IL17RD: variants seen among roughly 807,000 people sequenced by gnomAD.
IL17RD encodes the protein interleukin-17 receptor D.
A neutral mutation model predicts 80.5 loss-of-function variants in IL17RD; 52 were observed. The ratio of observed to expected loss-of-function variants is 0.65; its 90% CI spans 0.52 to 0.81. The LOEUF (loss-of-function observed/expected upper bound fraction) is 0.81. Among genes scored for constraint, IL17RD ranks in the 40% least tolerant of loss-of-function variants. IL17RD has a pLI of 0.00. For synonymous variants in IL17RD, 416 were observed against 391.8 expected, an observed-to-expected ratio of 1.06 and a Z score of -0.73; for missense variants, 1,024 against 955.1, an observed-to-expected ratio of 1.07 and a Z score of -0.95.
At chr3:57,157,081 G>A (rs1174734235) in intron 1 of IL17RD, among the ~76,000 whole-genome samples, 3 of 152,304 alleles carry the variant, frequency 2.0e-5, no homozygotes, top group South Asian at 2.1e-4. Context: ...GTGGTATGGA[G>A]AAGCCTCACA....
intron 1 of IL17RD, among the ~76,000 whole-genome samples, chr3:57,154,066 T>C (rs538360206): frequency 6.6e-6 from 1 of 151,238 alleles, no homozygotes; most frequent in East Asian, 1.9e-4. Context: ...AGTAACACAG[T>C]GAAACTCTGT....
At position 57,120,711 on chromosome 3, in the gene IL17RD, C is replaced by T. The variant is rs560726349; in HGVS notation, c.127-398G>A. Among the ~76,000 whole-genome samples the T allele has an allele frequency of 7.9e-5, 12 of 152,264 alleles. No individual in the cohort carries two copies. The South Asian group carries it at 1.5e-3, about 18-fold the overall frequency. On this transcript the variant is annotated intron_variant, in intron 1 of 12. Coordinates refer to ENST00000296318, the MANE Select transcript of IL17RD (RefSeq NM_017563.5). Reference sequence around the variant, plus strand: ...TTCATCTACTCCAGACGCCCTCATCCGCAAGCTCTATTAAGCCACGACAGA... The same window carrying T: ...TTCATCTACTCCAGACGCCCTCATCTGCAAGCTCTATTAAGCCACGACAGA...
chr3:57,126,011 GAA>G (rs1310087486), intron 1 of IL17RD, among the ~76,000 whole-genome samples: 1 of 152,202 alleles, frequency 6.6e-6, no homozygotes. Flanking sequence ...CACACTAAGA[GAA>G]AACAGATAAG....
chr3:57,127,285 AATATATAT>A (rs1204555740), intron 1 of IL17RD, among the ~76,000 whole-genome samples: 5 of 88,002 alleles, frequency 5.7e-5, no homozygotes, highest in Admixed American at 4.8e-4. Context: ...AATATATATA[AATATATAT>A]AAATATATAT....
intron 1 of IL17RD, 38 bp from the exon 2 acceptor site, chr3:57,120,351 C>T: frequency 6.6e-7 from 1 of 1,522,876 alleles, no homozygotes; most frequent in East Asian, 2.3e-5. Context: ...AGAGTGAAGC[C>T]AATTTGCTCT....
intron 9 of IL17RD, 45 bp downstream of exon 9, chr3:57,103,046 G>C (rs1227733363): frequency 7.2e-7 from 1 of 1,382,076 alleles, no homozygotes; most frequent in African/African-American, 1.4e-5. Context: ...ACATACCTTG[G>C]TCTATAGTAG....
chr3:57,143,349 C>G (rs1472657066), intron 1 of IL17RD, among the ~76,000 whole-genome samples: 1 of 152,090 alleles, frequency 6.6e-6, no homozygotes, highest in Non-Finnish European at 1.5e-5. Flanking sequence ...CCTTGACAAT[C>G]TCAACAAAGG....
chr3:57,125,711 G>T (rs950629139), intron 1 of IL17RD, among the ~76,000 whole-genome samples: 2 of 152,202 alleles, frequency 1.3e-5, no homozygotes, highest in Non-Finnish European at 2.9e-5. Context: ...GTCAGGGCAA[G>T]GTATTGGTAG....
Position 57,103,132 on chromosome 3 carries a change from G to C in IL17RD, c.827C>G (p.Thr276Ser), listed in dbSNP as rs1706875096. Residue 276 changes from threonine to serine, a missense_variant, in exon 9 of 13, where the codon ACT becomes AGT. Transcript: ENST00000296318. ...ATGCATCACTTTTCTTGTTGTGTTA[G>C]TGTCATCCACCAGCTGCAAAACAGA... The part of the protein sequence containing the change: ...GDYIIELVDD[T>S]NTTRKVMHYA... The C allele has an allele frequency of 6.2e-7, 1 of 1,603,248 alleles. No individual in the cohort carries two copies. The highest frequency in any genetic ancestry group is 8.5e-7 in the Non-Finnish European group (1 of 1,174,374).
At chr3:57,097,372 A>G (rs974250069) in intron 12 of IL17RD, 67 of 575,338 alleles carry the variant, frequency 1.2e-4, no homozygotes, top group African/African-American at 9.7e-4. Context: ...CACCCCTTGC[A>G]GGGTCTGGGC....
At chr3:57,123,935 C>G (rs1444695705) in intron 1 of IL17RD, among the ~76,000 whole-genome samples, 2 of 152,126 alleles carry the variant, frequency 1.3e-5, no homozygotes, top group African/African-American at 4.8e-5. Flanking sequence ...ATCCCAGCTA[C>G]TTGGGAGGCT....
In IL17RD at chr3:57,098,195, T is replaced by C. The variant is rs149567988; in HGVS notation, c.1508A>G (p.Asn503Ser). Residue 503 changes from asparagine (N) to serine (S), a missense_variant, in exon 12 of 13, where the codon AAT (asparagine) becomes AGT (serine). Transcript: ENST00000296318. The part of the protein sequence containing the change: ...DLSTKYRLMD[N>S]LPQLCSHLHS... ...CAAGTGGGAACAGAGCTGAGGAAGA[T>C]TGTCCATGAGTCTGTACTTGGTACT... 235 of 1,613,778 alleles carry C rather than the reference T, an allele frequency of 1.5e-4. No homozygotes were observed. The highest frequency in any genetic ancestry group is 5.7e-4 in the Admixed American group (34 of 60,000).
At chr3:57,100,226 T>C (rs1309033113) in intron 11 of IL17RD, among the ~76,000 whole-genome samples, 1 of 152,238 alleles carries the variant, frequency 6.6e-6, no homozygotes, top group African/African-American at 2.4e-5. Flanking sequence ...CACGTGCTGA[T>C]CCACCAACCT....
chr3:57,148,516 A>G (rs1224592022), intron 1 of IL17RD, among the ~76,000 whole-genome samples: 1 of 152,190 alleles, frequency 6.6e-6, no homozygotes, highest in East Asian at 1.9e-4. Context: ...TATGTTTACA[A>G]ATTGGAACAT....
intron 1 of IL17RD, among the ~76,000 whole-genome samples, chr3:57,146,717 T>G (rs1454258667): frequency 7.8e-6 from 1 of 127,802 alleles, no homozygotes; most frequent in Non-Finnish European, 1.6e-5. Context: ...GCCACTGCAC[T>G]CCAGCCTGGG....
At chr3:57,160,383 G>A (rs1235799229) in intron 1 of IL17RD, among the ~76,000 whole-genome samples, 2 of 152,056 alleles carry the variant, frequency 1.3e-5, no homozygotes, top group African/African-American at 4.8e-5. Context: ...TCTTTCCTTT[G>A]TTGGGAAGTT....
At chr3:57,163,503 T>A (rs748171445) in intron 1 of IL17RD, among the ~76,000 whole-genome samples, 2 of 152,058 alleles carry the variant, frequency 1.3e-5, no homozygotes, top group Middle Eastern at 3.2e-3. Context: ...CCTTGGCAAC[T>A]GCAGCAAAAC....
In IL17RD at chr3:57,094,957, C is replaced by T. The variant is rs1470573838; in HGVS notation, c.*1436G>A. ...ATTTGCATCAGAAATATACACAAAC[C>T]TTTTCTTTCCAGCAGGGGTGCAAGC... is the stretch of plus-strand genomic sequence containing the variant. On this transcript the variant is annotated 3_prime_UTR_variant, in exon 13 of 13. Transcript: ENST00000296318. 6.6e-6 allele frequency: 1 copy of T among 152,640 alleles called. No homozygotes were observed. Among genetic ancestry groups the T allele is most frequent in the Non-Finnish European group, 1.5e-5 (1 of 68,054 alleles). The allele number at this position is 152,640 out of a possible 1,614,324, so 9.5% of individuals were successfully genotyped here.
intron 1 of IL17RD, among the ~76,000 whole-genome samples, chr3:57,126,408 A>G (rs767287980): frequency 1.3e-5 from 2 of 152,240 alleles, no homozygotes; most frequent in Non-Finnish European, 2.9e-5. Flanking sequence ...ATAACCCTTA[A>G]GTGCTCTAAA....
Sources: allele counts gnomAD v4.1 joint callset (sites outside exome capture counted in the v4.1 genomes callset), GRCh38; gene constraint gnomAD v4.1.1; transcripts MANE v1.5; gene names NCBI Gene and HGNC (gene_info 2026-07-23, HGNC 2026-07-21).